Variants in TKTL1 observed in about 807,000 individuals in gnomAD.
The protein encoded by TKTL1 is transketolase like 1.
Under a neutral mutation model 39.3 loss-of-function variants are expected in TKTL1, and 1 was observed. That is an observed-to-expected ratio of 0.03 (90% CI 0.01 to 0.12). The LOEUF (loss-of-function observed/expected upper bound fraction) is 0.12. TKTL1 is among the 10% of genes least tolerant of loss of function. The probability of loss-of-function intolerance (pLI) is 1.00; values close to 1 mark genes in which losing one functional copy is unlikely to be tolerated. For synonymous variants in TKTL1, 262 were observed against 193.8 expected (o/e 1.35, Z -2.92); for missense variants, 575 against 509.6 (o/e 1.13, Z -1.24).
chrX:154,298,475 G>A (rs1360874336), intron 1 of TKTL1, among the ~76,000 whole-genome samples: 1 of 112,241 alleles, frequency 8.9e-6, no homozygotes, highest in Non-Finnish European at 1.9e-5. Flanking sequence ...ACTTTAGGAG[G>A]CCGAGGCAGC....
chrX:154,325,500 C>T lies in TKTL1; in HGVS notation c.1401+78C>T, dbSNP rs2067487268. ...CACTTCTGAATCTATCACCAGCTAT[C>T]TTCAGAGTTGAGACATCATCCTTTC... On this transcript the variant is annotated intron_variant, in intron 10 of 12. Coordinates refer to ENST00000369915, the MANE Select transcript of TKTL1 (RefSeq NM_012253.4). The T allele has an allele frequency of 9.0e-6, 8 of 891,463 alleles. No individual in the cohort carries two copies. The South Asian group carries it at 1.6e-4, about 18-fold the overall frequency. The allele number at this position is 891,463 out of a possible 1,213,427, so 73.5% of individuals were successfully genotyped here. A position where few individuals can be genotyped will look rare whatever the true frequency, so the allele number is the denominator to read the frequency against.
chrX:154,318,806 C>G (rs1435636052), intron 7 of TKTL1, among the ~76,000 whole-genome samples: 1 of 106,058 alleles, frequency 9.4e-6, no homozygotes, highest in African/African-American at 3.4e-5. Flanking sequence ...AGCCACTTTT[C>G]TTTGTCAGAA....
At position 154,305,136 on chromosome X, in the gene TKTL1, G is replaced by C. The variant is rs782058654; in HGVS notation, c.135-168G>C. 58 of 1,165,881 alleles carry C rather than the reference G, an allele frequency of 5.0e-5. 1 individual carries two copies. In the East Asian group the frequency reaches 1.5e-3, roughly 31 times the overall value. On this transcript the variant is annotated intron_variant, in intron 1 of 12. Transcript: ENST00000369915. ...CAGGGGGAGGGGTGGTGAGCTTACC[G>C]GGCTTTAAAGCGCCCTTCCAACCTG...
At chrX:154,310,500 T>C (rs1274082085) in intron 3 of TKTL1, among the ~76,000 whole-genome samples, 1 of 112,526 alleles carries the variant, frequency 8.9e-6, no homozygotes, top group African/African-American at 3.2e-5. Context: ...AATGAATGTG[T>C]AAATGTTTGG....
chrX:154,313,693 T>C (rs1461884586), intron 6 of TKTL1, among the ~76,000 whole-genome samples: 2 of 111,029 alleles, frequency 1.8e-5, no homozygotes, highest in African/African-American at 3.3e-5. Context: ...CCCAGCACTA[T>C]CAGGAGGCCA....
At chrX:154,327,119 C>T (rs371935819) in intron 10 of TKTL1, 3 of 220,831 alleles carry the variant, frequency 1.4e-5, no homozygotes, top group African/African-American at 2.9e-5. Flanking sequence ...ATGTCAGCCC[C>T]GCCTGGCTGT....
chrX:154,328,969 T>C lies in TKTL1; in HGVS notation c.1619-547T>C, dbSNP rs187132500. Among the ~76,000 whole-genome samples the C allele has an allele frequency of 6.5e-3, 726 of 112,532 alleles. 5 individuals are homozygous for C. The highest frequency in any genetic ancestry group is 0.01 in the Non-Finnish European group (555 of 53,182). On this transcript the variant is annotated intron_variant, in intron 12 of 12. Coordinates refer to ENST00000369915, the MANE Select transcript of TKTL1 (RefSeq NM_012253.4). ...GTGCCTCCCACGCAGGCTGTGTTCC[T>C]GCCTAAGGGATGCCTGCTAGAGACT... is the stretch of plus-strand genomic sequence containing the variant.
intron 1 of TKTL1, among the ~76,000 whole-genome samples, chrX:154,301,835 C>T (rs1210259978): frequency 1.1e-4 from 12 of 107,654 alleles, no homozygotes; most frequent in Admixed American, 1.0e-3. Context: ...TCAGGTGATC[C>T]GCCCACCTCG....
chrX:154,325,525 C>G, intron 10 of TKTL1, 103 bp downstream of exon 10: 1 of 726,589 alleles, frequency 1.4e-6, no homozygotes, highest in South Asian at 2.7e-5. Context: ...ATCATCCTTT[C>G]TTTGCTCTCA....
In TKTL1 at chrX:154,314,632, C is replaced by G. The variant is rs782665193; in HGVS notation, c.865-541C>G. On this transcript the variant is annotated intron_variant, in intron 6 of 12. Transcript: ENST00000369915. ...CCTCTGCCCCCGGATTCAAGCGATT[C>G]TCCTGCCTCAGCCTCCCAAGTAGCT... Among the ~76,000 whole-genome samples, 3 of 111,105 alleles carry G rather than the reference C, an allele frequency of 2.7e-5. No individual in the cohort carries two copies. In the South Asian group the frequency reaches 1.1e-3, roughly 42 times the overall value.
At chrX:154,309,069 G>A (rs1173702247) in intron 2 of TKTL1, among the ~76,000 whole-genome samples, 6 of 111,082 alleles carry the variant, frequency 5.4e-5, no homozygotes, top group Non-Finnish European at 1.1e-4. Flanking sequence ...ATGACTCCCT[G>A]GGCAGGGACA....
Position 154,323,301 on chromosome X carries a change from C to T in TKTL1, c.1281C>T (p.Ser427=), listed in dbSNP as rs2067466719. 1.7e-6 allele frequency: 2 copies of T among 1,211,840 alleles called. No homozygotes were observed. The highest frequency in any genetic ancestry group is 3.0e-5 in the East Asian group (1 of 33,857). ...TCTTCTACCCAACTGATGCCGTCTCCACGGAGCATGCTGTTGCTCTGGCAG... is the reference window on the plus strand; with the variant it reads ...TCTTCTACCCAACTGATGCCGTCTCTACGGAGCATGCTGTTGCTCTGGCAG... The part of the protein sequence containing the change: ...CTIFYPTDAV[S]TEHAVALAAN... Residue 427 remains serine, a synonymous_variant, in exon 9 of 13, where the codon TCC becomes TCT. Coordinates refer to ENST00000369915, the MANE Select transcript of TKTL1 (RefSeq NM_012253.4).
At chrX:154,315,710 G>A (rs1226027660) in intron 7 of TKTL1, among the ~76,000 whole-genome samples, 3 of 111,644 alleles carry the variant, frequency 2.7e-5, no homozygotes, top group Admixed American at 1.9e-4. Context: ...TGGCTGAGGA[G>A]TCACAGGGAA....
intron 6 of TKTL1, among the ~76,000 whole-genome samples, chrX:154,313,256 C>T (rs1557168776): frequency 2.7e-5 from 3 of 112,675 alleles, no homozygotes; most frequent in African/African-American, 9.7e-5. Flanking sequence ...TGTGTCTCCG[C>T]TAAGAAGACT....
chrX:154,311,137 G>A lies in TKTL1; in HGVS notation c.569G>A (p.Arg190Gln). The A allele has an allele frequency of 1.7e-6, 2 of 1,211,953 alleles. No homozygotes were observed. The highest frequency in any genetic ancestry group is 2.2e-6 in the Non-Finnish European group (2 of 895,528). Residue 190 changes from arginine to glutamine, a missense_variant, in exon 5 of 13, where the codon CGG becomes CAG. By Grantham distance (43) the Arg-to-Gln change is conservative (BLOSUM62 1). Coordinates refer to ENST00000369915, the MANE Select transcript of TKTL1 (RefSeq NM_012253.4). The part of the protein sequence containing the change: ...FGWNTYVVDG[R>Q]DVEALCQVFW... ...TGGAACACTTATGTGGTGGACGGCC[G>A]GGACGTGGAGGCACTGTGCCAGGTA...
intron 12 of TKTL1, among the ~76,000 whole-genome samples, chrX:154,329,258 C>T (rs1557172665): frequency 8.9e-6 from 1 of 112,285 alleles, no homozygotes. Flanking sequence ...TTAGTTCTAA[C>T]CATTTTCAGG....
intron 1 of TKTL1, among the ~76,000 whole-genome samples, chrX:154,298,524 C>A (rs1488756592): frequency 8.9e-6 from 1 of 111,986 alleles, no homozygotes; most frequent in Non-Finnish European, 1.9e-5. Flanking sequence ...CAAGCCTGGG[C>A]AACATGGGGA....
At chrX:154,307,991 C>T (rs2067328233) in intron 2 of TKTL1, among the ~76,000 whole-genome samples, 1 of 111,774 alleles carries the variant, frequency 8.9e-6, no homozygotes, top group Non-Finnish European at 1.9e-5. Flanking sequence ...AAGCAAGAAG[C>T]AGGAGATCAG....
At chrX:154,303,959 G>A (rs1415626613) in intron 1 of TKTL1, among the ~76,000 whole-genome samples, 4 of 109,339 alleles carry the variant, frequency 3.7e-5, no homozygotes, top group African/African-American at 1.3e-4. Context: ...AAGTAGAAAG[G>A]GCACATCGTC....
Sources: allele counts gnomAD v4.1 joint callset (sites outside exome capture counted in the v4.1 genomes callset), GRCh38; gene constraint gnomAD v4.1.1; transcripts MANE v1.5; gene names NCBI Gene and HGNC (gene_info 2026-07-23, HGNC 2026-07-21).